The following RELN variants were observed in gnomAD, a reference collection of about 807,000 sequenced individuals.
The protein encoded by RELN is reelin.
In RELN, 108 loss-of-function variants were observed where a neutral mutation model predicts 427.6. The ratio of observed to expected loss-of-function variants is 0.25; its 90% CI spans 0.22 to 0.30. RELN has a LOEUF of 0.30. Among genes scored for constraint, RELN ranks in the 10% least tolerant of loss-of-function variants. RELN has a pLI of 1.00. For synonymous variants in RELN, 1,524 were observed against 1,513.4 expected (o/e 1.01, Z -0.16); for missense variants, 3,715 against 4,302.8 (o/e 0.86, Z 3.82).
Position 103,498,250 on chromosome 7 carries a change from A to T in RELN, c.8670T>A (p.Thr2890=). Residue 2890 remains threonine, a splice_region_variant and synonymous_variant, in exon 54 of 65, where the codon ACT becomes ACA. Coordinates refer to ENST00000428762, the MANE Select transcript of RELN (RefSeq NM_005045.4). The part of the protein sequence containing the change: ...PNCYLTHTLK[T]FLKERFDSEE... Reference sequence around the variant, plus strand: ...CACTGTCAAAGCGTTCCTTCAGGAAAGTCTGGAAATAAAATAAGCCAGATG... The same window carrying T: ...CACTGTCAAAGCGTTCCTTCAGGAATGTCTGGAAATAAAATAAGCCAGATG... The T allele has an allele frequency of 6.2e-7, 1 of 1,613,792 alleles. No individual in the cohort carries two copies. The highest frequency in any genetic ancestry group is 8.5e-7 in the Non-Finnish European group (1 of 1,179,804).
At chr7:103,958,308 G>A (rs1280783244) in intron 1 of RELN, among the ~76,000 whole-genome samples, 1 of 152,212 alleles carries the variant, frequency 6.6e-6, no homozygotes, top group Non-Finnish European at 1.5e-5. Flanking sequence ...TTTGGCACAT[G>A]GGTTCCTATG....
At chr7:103,830,851 A>C (rs1032362160) in intron 3 of RELN, among the ~76,000 whole-genome samples, 14 of 152,112 alleles carry the variant, frequency 9.2e-5, no homozygotes, top group Non-Finnish European at 2.1e-4. Flanking sequence ...TTATGAGAAA[A>C]AGGACTTAAC....
chr7:103,602,503 A>G (rs957648705), intron 24 of RELN, among the ~76,000 whole-genome samples: 1 of 152,200 alleles, frequency 6.6e-6, no homozygotes, highest in Admixed American at 6.5e-5. Context: ...ATGCAGCCAT[A>G]AAAAAGGATG....
chr7:103,956,362 A>G (rs1335184391), intron 1 of RELN, among the ~76,000 whole-genome samples: 1 of 152,256 alleles, frequency 6.6e-6, no homozygotes, highest in African/African-American at 2.4e-5. Context: ...CAATAAAGAA[A>G]CAAAGTAACA....
chr7:103,604,217 G>A lies in RELN; in HGVS notation c.3146+129C>T, dbSNP rs1831751260. 6.9e-6 allele frequency: 7 copies of A among 1,014,274 alleles called. No homozygotes were observed. In the Admixed American group the frequency reaches 7.3e-5, roughly 11 times the overall value. 62.8% of individuals were successfully genotyped at this position (1,014,274 alleles called of 1,614,324 possible). On this transcript the variant is annotated intron_variant, in intron 23 of 64. Transcript: ENST00000428762. ...CATCTAAAATACAAACAGAAAGGAG[G>A]ACTTGTTTCTTTTGGCTATGTCATT...
chr7:103,684,173 C>A (rs1219835851), intron 10 of RELN, among the ~76,000 whole-genome samples: 2 of 152,106 alleles, frequency 1.3e-5, no homozygotes, highest in African/African-American at 4.8e-5. Flanking sequence ...ATCATAGGCC[C>A]TGTATTTTGG....
intron 1 of RELN, among the ~76,000 whole-genome samples, chr7:103,924,840 C>T (rs895585235): frequency 3.3e-5 from 5 of 152,000 alleles, no homozygotes; most frequent in African/African-American, 1.2e-4. Context: ...AAATTAAGCC[C>T]TTTGGAAGTA....
intron 3 of RELN, among the ~76,000 whole-genome samples, chr7:103,792,162 T>A (rs1044752697): frequency 2.0e-5 from 3 of 152,140 alleles, no homozygotes; most frequent in African/African-American, 7.2e-5. Flanking sequence ...TGGCAATGCC[T>A]CAGAATGTTA....
rs1399017669 is a variant in RELN at position 103,809,146 on chromosome 7, A to G, written c.473+24391T>C. On this transcript the variant is annotated intron_variant, in intron 3 of 64. Transcript: ENST00000428762. Reference sequence around the variant, plus strand: ...TCAGTGCATTACAATTCTGAGGAGCATTGCCTTTCCAATTCTGAGGGACAC... The same window carrying G: ...TCAGTGCATTACAATTCTGAGGAGCGTTGCCTTTCCAATTCTGAGGGACAC... Among the ~76,000 whole-genome samples the G allele has an allele frequency of 3.9e-5, 6 of 152,162 alleles. No individual in the cohort carries two copies. In the East Asian group the frequency reaches 9.6e-4, roughly 24 times the overall value.
At chr7:103,707,026 G>C (rs1834217946) in intron 8 of RELN, among the ~76,000 whole-genome samples, 1 of 152,258 alleles carries the variant, frequency 6.6e-6, no homozygotes, top group Non-Finnish European at 1.5e-5. Flanking sequence ...ACAGGCTAGA[G>C]TGCAGTGGTG....
intron 2 of RELN, among the ~76,000 whole-genome samples, chr7:103,884,306 C>G (rs1026825309): frequency 1.3e-5 from 2 of 152,042 alleles, no homozygotes; most frequent in Admixed American, 1.3e-4. Flanking sequence ...GATTTAAATG[C>G]AAGACCTGAA....
Position 103,602,331 on chromosome 7 carries a change from G to A in RELN, c.3333+973C>T, listed in dbSNP as rs150374941. On this transcript the variant is annotated intron_variant, in intron 24 of 64. Transcript: ENST00000428762. ...ATTTGACCCAGCAATCCCATTATGG[G>A]TATATACCCAAAGGATTATAAATCA... Among the ~76,000 whole-genome samples the A allele has an allele frequency of 7.7e-3, 1,169 of 152,210 alleles. 23 individuals are homozygous for A. Among genetic ancestry groups the A allele is most frequent in the African/African-American group, 0.027 (1,102 of 41,526 alleles).
intron 11 of RELN, among the ~76,000 whole-genome samples, chr7:103,662,307 T>C (rs1446522686): frequency 6.6e-6 from 1 of 152,074 alleles, no homozygotes; most frequent in Non-Finnish European, 1.5e-5. Context: ...GTTGACGAAA[T>C]CACATGACTA....
rs548960987 is a variant in RELN at position 103,751,221 on chromosome 7, A to G, written c.578-1717T>C. ...TTTGGAAAAATTAAAATAATATCTG[A>G]TTAACAAAAAACTCTCATAACTTTT... is the stretch of plus-strand genomic sequence containing the variant. On this transcript the variant is annotated intron_variant, in intron 5 of 64. Coordinates refer to ENST00000428762, the MANE Select transcript of RELN (RefSeq NM_005045.4). Among the ~76,000 whole-genome samples the G allele has an allele frequency of 5.9e-5, 9 of 152,328 alleles. No individual in the cohort carries two copies. The East Asian group carries it at 1.7e-3, about 29-fold the overall frequency.
intron 4 of RELN, among the ~76,000 whole-genome samples, chr7:103,765,117 C>A (rs1408447245): frequency 6.6e-6 from 1 of 151,934 alleles, no homozygotes; most frequent in African/African-American, 2.4e-5. Context: ...GAAACATGGC[C>A]GGGGGTACCC....
chr7:103,623,835 G>A (rs1009960596), intron 20 of RELN, among the ~76,000 whole-genome samples: 2 of 152,050 alleles, frequency 1.3e-5, no homozygotes, highest in Non-Finnish European at 2.9e-5. Flanking sequence ...GAGCTCTGAT[G>A]GTCATTTTCC....
intron 7 of RELN, among the ~76,000 whole-genome samples, chr7:103,726,534 C>T (rs934501311): frequency 2.6e-4 from 39 of 151,898 alleles, no homozygotes; most frequent in Admixed American, 2.1e-3. Context: ...GCTAAATAAA[C>T]GGGGATATAG....
chr7:103,831,889 T>A (rs1441215288), intron 3 of RELN, among the ~76,000 whole-genome samples: 1 of 152,144 alleles, frequency 6.6e-6, no homozygotes, highest in Admixed American at 6.5e-5. Flanking sequence ...ATGTAGGATA[T>A]ACTGAAGGAA....
intron 4 of RELN, among the ~76,000 whole-genome samples, chr7:103,774,286 G>C (rs1791681149): frequency 9.1e-6 from 1 of 109,344 alleles, no homozygotes; most frequent in African/African-American, 3.6e-5. Context: ...GACAGAGCAA[G>C]ACTTTGTCTC....
Sources: gnomAD v4.1 joint callset for allele counts (sites outside exome capture counted in the v4.1 genomes callset) on GRCh38, gnomAD v4.1.1 for gene constraint, MANE v1.5 for transcripts, NCBI Gene and HGNC (gene_info 2026-07-23, HGNC 2026-07-21) for gene names.